Variants in ANO10 observed in about 807,000 individuals in gnomAD.
The protein encoded by ANO10 is anoctamin 10.
ANO10 carries 77 observed loss-of-function variants against 74.7 expected under a neutral mutation model. That is an observed-to-expected ratio of 1.03 (90% CI 0.86 to 1.25). The LOEUF is 1.25. Ranked by LOEUF, ANO10 falls within the 50% of genes most tolerant of loss-of-function variation. ANO10 has a pLI of 0.00. For synonymous variants in ANO10, 279 were observed against 284.9 expected (o/e 0.98, Z 0.21); for missense variants, 721 against 778.1 (o/e 0.93, Z 0.87).
chr3:43,651,876 T>G (rs1452852619), intron 1 of ANO10, among the ~76,000 whole-genome samples: 2 of 152,166 alleles, frequency 1.3e-5, no homozygotes, highest in African/African-American at 4.8e-5. Context: ...CAATACAGTC[T>G]AGGGTTGGTT....
intron 4 of ANO10, among the ~76,000 whole-genome samples, chr3:43,588,564 T>A (rs1258271804): frequency 1.7e-4 from 24 of 144,884 alleles, no homozygotes; most frequent in South Asian, 2.2e-4. Flanking sequence ...ATTTACTTAG[T>A]AAAAAAAAAA....
At chr3:43,592,652 A>G (rs1057470257) in intron 4 of ANO10, among the ~76,000 whole-genome samples, 4 of 152,266 alleles carry the variant, frequency 2.6e-5, no homozygotes, top group Non-Finnish European at 5.9e-5. Flanking sequence ...GAGAGAAACC[A>G]GAGCAGAAAA....
chr3:43,503,500 T>A lies in ANO10; in HGVS notation c.1797+46220A>T, dbSNP rs1008423861. On this transcript the variant is annotated intron_variant, in intron 11 of 12. Coordinates refer to ENST00000292246, the MANE Select transcript of ANO10 (RefSeq NM_018075.5). ...AAAGCCACAAGGCAAGTTTATCTACTCCCTTCAGGATCCATCAGAAGCTTA... is the reference window on the plus strand; with the variant it reads ...AAAGCCACAAGGCAAGTTTATCTACACCCTTCAGGATCCATCAGAAGCTTA... Among the ~76,000 whole-genome samples, 9 of 152,284 alleles carry A rather than the reference T, an allele frequency of 5.9e-5. No individual in the cohort carries two copies. In the East Asian group the frequency reaches 7.7e-4, roughly 13 times the overall value.
intron 12 of ANO10, among the ~76,000 whole-genome samples, chr3:43,390,921 T>C (rs1370413576): frequency 6.6e-6 from 1 of 152,230 alleles, no homozygotes; most frequent in Admixed American, 6.5e-5. Context: ...TCTCATTTAG[T>C]AGGTCTGGGG....
chr3:43,661,765 G>C (rs1363041404), intron 1 of ANO10, among the ~76,000 whole-genome samples: 1 of 152,126 alleles, frequency 6.6e-6, no homozygotes, highest in Non-Finnish European at 1.5e-5. Flanking sequence ...TCTGGTCTCT[G>C]ATAAAATAGA....
At chr3:43,607,157 AT>A (rs1316582224) in intron 1 of ANO10, among the ~76,000 whole-genome samples, 2 of 152,074 alleles carry the variant, frequency 1.3e-5, no homozygotes, top group Non-Finnish European at 2.9e-5. Flanking sequence ...TGGTCCCAGC[AT>A]TTTGGATAAA....
intron 11 of ANO10, among the ~76,000 whole-genome samples, chr3:43,441,530 A>G (rs532488633): frequency 6.6e-6 from 1 of 152,224 alleles, no homozygotes; most frequent in African/African-American, 2.4e-5. Context: ...ACCTACCAAC[A>G]AAGAAAAGCC....
At chr3:43,684,629 C>T (rs1309460988) in intron 1 of ANO10, among the ~76,000 whole-genome samples, 1 of 152,124 alleles carries the variant, frequency 6.6e-6, no homozygotes, top group Non-Finnish European at 1.5e-5. Flanking sequence ...GACACATGCA[C>T]ACGTATGTTT....
chr3:43,428,329 C>T lies in ANO10; in HGVS notation c.1914+4282G>A, dbSNP rs186987978. Among the ~76,000 whole-genome samples the T allele has an allele frequency of 1.2e-4, 19 of 152,100 alleles. No homozygotes were observed. The East Asian group carries it at 2.5e-3, about 20-fold the overall frequency. The stretch of plus-strand genomic sequence containing the variant: ...TCTCCCAAAGTGCTGGGATTACAGG[C>T]GTGAACCACCACACCCAGCCAACCC... On this transcript the variant is annotated intron_variant, in intron 12 of 12. Coordinates refer to ENST00000292246, the MANE Select transcript of ANO10 (RefSeq NM_018075.5).
chr3:43,668,086 CCAA>C (rs1416890984), intron 1 of ANO10, among the ~76,000 whole-genome samples: 1 of 152,150 alleles, frequency 6.6e-6, no homozygotes, highest in African/African-American at 2.4e-5. Context: ...CACATCCACA[CCAA>C]CGTCTATTGT....
chr3:43,375,156 A>C (rs1575596523), intron 12 of ANO10, among the ~76,000 whole-genome samples: 3 of 147,834 alleles, frequency 2.0e-5, no homozygotes, highest in Admixed American at 6.7e-5. Flanking sequence ...TTTAAGAATC[A>C]TTTTTTTGGG....
rs146432615 is a variant in ANO10, at chr3:43,600,529, T to C, written c.192A>G (p.Leu64=). ...CAACAAGATATAAGTTCTGATTTTC[T>C]AGTGTTTCTTGTTCATATTTATTTA... The part of the protein sequence containing the change: ...PLLNKYEQET[L]ENQNLYLVGA... The change falls in exon 3 of 13, where the codon CTA becomes CTG. Residue 64 remains leucine (L), a synonymous_variant. Coordinates refer to ENST00000292246, the MANE Select transcript of ANO10 (RefSeq NM_018075.5). The C allele has an allele frequency of 8.1e-6, 13 of 1,613,830 alleles. No homozygotes were observed. Among genetic ancestry groups the C allele is most frequent in the African/African-American group, 1.3e-5 (1 of 75,050 alleles).
At chr3:43,651,074 T>C (rs2083781643) in intron 1 of ANO10, among the ~76,000 whole-genome samples, 1 of 152,186 alleles carries the variant, frequency 6.6e-6, no homozygotes, top group African/African-American at 2.4e-5. Context: ...AAAGCTGTTT[T>C]CCAAAAACTG....
intron 1 of ANO10, among the ~76,000 whole-genome samples, chr3:43,619,868 CAAAAA>C (rs746826623): frequency 3.8e-5 from 3 of 79,918 alleles, no homozygotes; most frequent in Admixed American, 2.6e-4. Flanking sequence ...AGACCTTGTC[CAAAAA>C]AAAAAAAAAA....
At chr3:43,410,970 G>C (rs888334627) in intron 12 of ANO10, among the ~76,000 whole-genome samples, 1 of 151,850 alleles carries the variant, frequency 6.6e-6, no homozygotes, top group Non-Finnish European at 1.5e-5. Flanking sequence ...GCAAGCAGAA[G>C]ATAGCACCTC....
intron 12 of ANO10, among the ~76,000 whole-genome samples, chr3:43,374,068 G>T (rs1339249173): frequency 6.6e-6 from 1 of 152,162 alleles, no homozygotes; most frequent in Non-Finnish European, 1.5e-5. Context: ...CTTCAGCATG[G>T]AGTGGACGCA....
chr3:43,648,155 A>G (rs182635373), intron 1 of ANO10, among the ~76,000 whole-genome samples: 2 of 152,378 alleles, frequency 1.3e-5, no homozygotes, highest in Admixed American at 1.3e-4. Context: ...CTTTATTCAC[A>G]TAAATACAAA....
intron 11 of ANO10, among the ~76,000 whole-genome samples, chr3:43,529,207 A>C (rs1000114644): frequency 1.3e-5 from 2 of 152,242 alleles, no homozygotes; most frequent in African/African-American, 4.8e-5. Context: ...GCAACAATGC[A>C]AGACAACAGT....
At chr3:43,650,883 GTTATAT>G (rs2083779936) in intron 1 of ANO10, among the ~76,000 whole-genome samples, 1 of 152,204 alleles carries the variant, frequency 6.6e-6, no homozygotes, top group South Asian at 2.1e-4. Context: ...ACTTGCGGAA[GTTATAT>G]TTATATTAAC....
Sources: allele counts gnomAD v4.1 joint callset (sites outside exome capture counted in the v4.1 genomes callset), GRCh38; gene constraint gnomAD v4.1.1; transcripts MANE v1.5; gene names NCBI Gene and HGNC (gene_info 2026-07-23, HGNC 2026-07-21).